ST7: variants seen among roughly 807,000 people sequenced by gnomAD.
ST7 encodes suppression of tumorigenicity 7.
Under a neutral mutation model 78.7 loss-of-function variants are expected in ST7, and 28 were observed. The observed-to-expected ratio is 0.36, with a 90% CI of 0.26 to 0.49. ST7 has a LOEUF of 0.49. Ranked by LOEUF, ST7 falls within the 20% of genes least tolerant of loss-of-function variation. ST7 has a pLI of 0.99. For synonymous variants in ST7, 247 were observed against 249.6 expected (o/e 0.99, Z 0.10); for missense variants, 418 against 696.0 (o/e 0.60, Z 4.49).
intron 1 of ST7, among the ~76,000 whole-genome samples, chr7:117,032,682 T>C (rs1009689068): frequency 4.6e-5 from 7 of 152,212 alleles, no homozygotes; most frequent in Admixed American, 2.0e-4. Context: ...AGAGATTGAA[T>C]TGACCTGAAA....
intron 9 of ST7, among the ~76,000 whole-genome samples, chr7:117,156,844 G>C (rs140384399): frequency 6.6e-6 from 1 of 152,338 alleles, no homozygotes; most frequent in Admixed American, 6.5e-5. Flanking sequence ...AGGAAGTTTA[G>C]TGGGAGTAAT....
intron 1 of ST7, chr7:117,072,965 A>G (rs952087723): frequency 1.3e-5 from 2 of 152,284 alleles, no homozygotes; most frequent in South Asian, 2.1e-4. Flanking sequence ...GGAGTCTGCA[A>G]CTAAGAAAGG....
At chr7:117,088,089 T>C (rs1167500645) in intron 1 of ST7, among the ~76,000 whole-genome samples, 1 of 152,204 alleles carries the variant, frequency 6.6e-6, no homozygotes, top group African/African-American at 2.4e-5. Context: ...TGCTGTGATA[T>C]CTACCTAGAG....
At chr7:117,185,374 G>A (rs1000115994) in intron 10 of ST7, among the ~76,000 whole-genome samples, 1 of 152,122 alleles carries the variant, frequency 6.6e-6, no homozygotes, top group Non-Finnish European at 1.5e-5. Context: ...CTTCCCTCTA[G>A]CATCATTATC....
intron 15 of ST7, among the ~76,000 whole-genome samples, chr7:117,225,563 TG>T (rs1218700631): frequency 6.6e-6 from 1 of 152,152 alleles, no homozygotes; most frequent in Non-Finnish European, 1.5e-5. Context: ...ATCTTCACCC[TG>T]GTCACTTCAT....
At chr7:117,116,730 G>A (rs1303676538) in intron 2 of ST7, among the ~76,000 whole-genome samples, 1 of 152,136 alleles carries the variant, frequency 6.6e-6, no homozygotes, top group African/African-American at 2.4e-5. Flanking sequence ...TGACAGACCT[G>A]AGAAGGCCCT....
intron 9 of ST7, among the ~76,000 whole-genome samples, chr7:117,143,471 C>G (rs1355768471): frequency 6.6e-6 from 1 of 152,130 alleles, no homozygotes; most frequent in East Asian, 1.9e-4. Context: ...TTTGAAGTGT[C>G]CCCTGGCCAG....
At chr7:117,040,878 C>A (rs1458820497) in intron 1 of ST7, among the ~76,000 whole-genome samples, 1 of 152,196 alleles carries the variant, frequency 6.6e-6, no homozygotes, top group Non-Finnish European at 1.5e-5. Context: ...TTACTAATTT[C>A]ATTCTGTAGA....
chr7:116,990,334 C>T (rs530333045), intron 1 of ST7, among the ~76,000 whole-genome samples: 2 of 152,072 alleles, frequency 1.3e-5, no homozygotes, highest in South Asian at 4.2e-4. Flanking sequence ...CTGCTTGGAC[C>T]GTTTTCTTTC....
At chr7:117,152,213 A>ATGTAT (rs375719225) in intron 9 of ST7, among the ~76,000 whole-genome samples, 2 of 115,058 alleles carry the variant, frequency 1.7e-5, no homozygotes, top group African/African-American at 3.3e-5. Flanking sequence ...ATATATATAT[A>ATGTAT]TATATATATA....
At chr7:117,169,920 C>G (rs1036936746) in intron 9 of ST7, among the ~76,000 whole-genome samples, 2 of 150,184 alleles carry the variant, frequency 1.3e-5, no homozygotes, top group African/African-American at 4.9e-5. Flanking sequence ...AGAAGATGAT[C>G]GTGGCCCCTG....
At chr7:116,983,736 C>CCTCG (rs1794067876) in intron 1 of ST7, among the ~76,000 whole-genome samples, 1 of 152,134 alleles carries the variant, frequency 6.6e-6, no homozygotes, top group Admixed American at 6.5e-5. Flanking sequence ...TAGATACCTA[C>CCTCG]CTCGCTTGGC....
At chr7:117,184,711 T>C (rs945650701) in intron 10 of ST7, among the ~76,000 whole-genome samples, 8 of 152,304 alleles carry the variant, frequency 5.3e-5, no homozygotes, top group South Asian at 2.1e-4. Flanking sequence ...TGTGTTTACA[T>C]GAATCTAGTT....
chr7:117,049,977 C>A (rs148483750), intron 1 of ST7, among the ~76,000 whole-genome samples: 2,007 of 150,804 alleles, frequency 0.013, 44 homozygotes, highest in African/African-American at 0.042. Flanking sequence ...GAGGCCGAGG[C>A]AGGTGGATCA....
chr7:117,223,066 G>T, intron 15 of ST7: 1 of 929,664 alleles, frequency 1.1e-6, no homozygotes, highest in East Asian at 2.5e-5. Flanking sequence ...GCTCAAGCCG[G>T]AAACTCGGCA....
At chr7:117,151,752 G>A (rs893320712) in intron 9 of ST7, among the ~76,000 whole-genome samples, 1 of 152,130 alleles carries the variant, frequency 6.6e-6, no homozygotes, top group Non-Finnish European at 1.5e-5. Flanking sequence ...CTGAATGCCT[G>A]TATGGGGAGT....
At chr7:117,229,076 A>G (rs1793619248) in intron 15 of ST7, among the ~76,000 whole-genome samples, 1 of 152,260 alleles carries the variant, frequency 6.6e-6, no homozygotes, top group Non-Finnish European at 1.5e-5. Flanking sequence ...TTCTTAAAAG[A>G]CACAGCTAAT....
chr7:117,095,654 A>G lies in ST7; in HGVS notation c.152-4108A>G, dbSNP rs113863646. 2.9e-3 allele frequency among the ~76,000 whole-genome samples: 441 copies of G among 152,340 alleles called. 1 individual carries two copies. The highest frequency in any genetic ancestry group is 9.8e-3 in the African/African-American group (408 of 41,578). On this transcript the variant is annotated intron_variant, in intron 1 of 15. Coordinates refer to ENST00000323984, the MANE Select transcript of ST7 (RefSeq NM_001369598.1). ...ATGAAAAGCCCTCTGATTTGTTGAAATAGTGCATTAGTAAAGTATTATAGT... is the reference window on the plus strand; with the variant it reads ...ATGAAAAGCCCTCTGATTTGTTGAAGTAGTGCATTAGTAAAGTATTATAGT...
chr7:117,179,766 G>T (rs1808610503), intron 10 of ST7, among the ~76,000 whole-genome samples: 1 of 151,962 alleles, frequency 6.6e-6, no homozygotes, highest in Non-Finnish European at 1.5e-5. Flanking sequence ...CCCTGGAGAG[G>T]CCTGGGGCAA....
Sources: gnomAD v4.1 joint callset for allele counts (sites outside exome capture counted in the v4.1 genomes callset) on GRCh38, gnomAD v4.1.1 for gene constraint, MANE v1.5 for transcripts, NCBI Gene and HGNC (gene_info 2026-07-23, HGNC 2026-07-21) for gene names.